The following KCNT2 variants were observed in gnomAD, a reference collection of about 807,000 sequenced individuals.
The protein encoded by KCNT2 is potassium sodium-activated channel subfamily T member 2, also known as potassium channel subfamily T member 2.
KCNT2 carries 67 observed loss-of-function variants against 153.8 expected under a neutral mutation model. That is an observed-to-expected ratio of 0.44 (90% CI 0.36 to 0.53). The LOEUF (loss-of-function observed/expected upper bound fraction) is 0.53, where lower values mean the gene tolerates loss of function less well. KCNT2 is among the 20% of genes least tolerant of loss of function. KCNT2 has a pLI of 0.00. For missense variants in KCNT2, 975 were observed against 1,354.8 expected (o/e 0.72, Z 4.40); for synonymous variants, 500 against 458.8 (o/e 1.09, Z -1.15).
chr1:196,324,185 T>C (rs963919476), intron 19 of KCNT2, among the ~76,000 whole-genome samples: 3 of 151,942 alleles, frequency 2.0e-5, no homozygotes, highest in South Asian at 2.1e-4. Flanking sequence ...TTAATAACAA[T>C]ATAATGTGGA....
At chr1:196,285,432 C>T (rs1659565623) in intron 23 of KCNT2, among the ~76,000 whole-genome samples, 1 of 151,802 alleles carries the variant, frequency 6.6e-6, no homozygotes, top group African/African-American at 2.4e-5. Context: ...CAAAAGAATG[C>T]CTGAAATAAT....
chr1:196,601,075 C>T (rs1181245926), intron 1 of KCNT2, among the ~76,000 whole-genome samples: 2 of 152,216 alleles, frequency 1.3e-5, no homozygotes, highest in African/African-American at 4.8e-5. Context: ...ACTCCAGACC[C>T]ATACTTCCAA....
At chr1:196,321,045 G>A (rs1021518365) in intron 19 of KCNT2, among the ~76,000 whole-genome samples, 2 of 150,008 alleles carry the variant, frequency 1.3e-5, no homozygotes, top group Non-Finnish European at 3.0e-5. Context: ...GGATATTAGT[G>A]GATCACAGCC....
chr1:196,557,663 C>T (rs560671829), intron 1 of KCNT2, among the ~76,000 whole-genome samples: 1 of 151,112 alleles, frequency 6.6e-6, no homozygotes, highest in Non-Finnish European at 1.5e-5. Context: ...ATTTTACTTA[C>T]CACTGAGCAT....
intron 13 of KCNT2, among the ~76,000 whole-genome samples, chr1:196,397,597 T>C (rs1671051668): frequency 6.6e-6 from 1 of 151,496 alleles, no homozygotes; most frequent in South Asian, 2.1e-4. Context: ...CTTTAAATTG[T>C]TTGCTATACA....
At chr1:196,525,949 A>G (rs2148834217) in intron 1 of KCNT2, among the ~76,000 whole-genome samples, 1 of 152,206 alleles carries the variant, frequency 6.6e-6, no homozygotes, top group South Asian at 2.1e-4. Context: ...GTAGTTTAGT[A>G]TTCACTAATG....
At chr1:196,349,514 G>A (rs1306518304) in intron 14 of KCNT2, among the ~76,000 whole-genome samples, 3 of 151,920 alleles carry the variant, frequency 2.0e-5, no homozygotes, top group South Asian at 4.2e-4. Flanking sequence ...AATGTTTTTC[G>A]GGGAGTGAGA....
At chr1:196,300,687 C>T (rs761761816) in intron 22 of KCNT2, among the ~76,000 whole-genome samples, 1 of 152,168 alleles carries the variant, frequency 6.6e-6, no homozygotes, top group African/African-American at 2.4e-5. Flanking sequence ...TACAAATACA[C>T]AGATTCCCTG....
At chr1:196,352,805 C>T (rs1219599332) in intron 14 of KCNT2, among the ~76,000 whole-genome samples, 1 of 151,932 alleles carries the variant, frequency 6.6e-6, no homozygotes, top group Non-Finnish European at 1.5e-5. Flanking sequence ...GTTAGGGTGT[C>T]AATTTTGGAT....
At chr1:196,329,982 T>C (rs906544364) in intron 18 of KCNT2, among the ~76,000 whole-genome samples, 2 of 138,944 alleles carry the variant, frequency 1.4e-5, no homozygotes, top group Non-Finnish European at 3.1e-5. Flanking sequence ...TATATATATA[T>C]ATTTGAATGA....
At chr1:196,461,625 C>T (rs372563602) in intron 8 of KCNT2, among the ~76,000 whole-genome samples, 3 of 151,708 alleles carry the variant, frequency 2.0e-5, no homozygotes, top group East Asian at 3.9e-4. Flanking sequence ...GCATTTAATT[C>T]CCGGATGCTC....
intron 1 of KCNT2, among the ~76,000 whole-genome samples, chr1:196,545,723 AC>A (rs1162224207): frequency 7.6e-5 from 3 of 39,282 alleles, no homozygotes; most frequent in Non-Finnish European, 1.5e-4. Flanking sequence ...CATCCCACCC[AC>A]CCCCCCAGCT....
chr1:196,391,617 T>C (rs945322662), intron 13 of KCNT2, among the ~76,000 whole-genome samples: 1 of 151,312 alleles, frequency 6.6e-6, no homozygotes, highest in Non-Finnish European at 1.5e-5. Flanking sequence ...ATACCTAATA[T>C]CCAGTGTCAA....
chr1:196,529,280 A>G (rs975148474), intron 1 of KCNT2, among the ~76,000 whole-genome samples: 6 of 152,144 alleles, frequency 3.9e-5, no homozygotes, highest in African/African-American at 7.2e-5. Context: ...AAAGTACTCT[A>G]TTTTGGATGA....
chr1:196,366,021 T>A (rs1280193011), intron 14 of KCNT2, among the ~76,000 whole-genome samples: 1 of 152,194 alleles, frequency 6.6e-6, no homozygotes, highest in Non-Finnish European at 1.5e-5. Context: ...TGTATGTTCA[T>A]CAACATTCTT....
At chr1:196,516,981 C>A (rs1458748893) in intron 1 of KCNT2, among the ~76,000 whole-genome samples, 1 of 152,158 alleles carries the variant, frequency 6.6e-6, no homozygotes, top group African/African-American at 2.4e-5. Context: ...CTCCAACCAC[C>A]CCCCAGCTGG....
At chr1:196,333,794 A>G in intron 17 of KCNT2, 53 bp downstream of exon 17, 1 of 1,060,738 alleles carries the variant, frequency 9.4e-7, no homozygotes. Context: ...AAAATACTTA[A>G]GGACATTAGC....
rs112498941 is a variant in KCNT2 at position 196,477,273 on chromosome 1, T to C, written c.384+1906A>G. 6.9e-3 allele frequency among the ~76,000 whole-genome samples: 1,056 copies of C among 152,258 alleles called. 11 individuals carry two copies. Among genetic ancestry groups the C allele is most frequent in the African/African-American group, 0.022 (925 of 41,544 alleles). On this transcript the variant is annotated intron_variant, in intron 5 of 27. Transcript: ENST00000294725. ...AAATAATAGTCTGAAGAATGTTATC[T>C]TCAAAACTCTTGTTTTAAAAAGTGA...
chr1:196,607,180 G>C (rs1665410872), intron 1 of KCNT2, among the ~76,000 whole-genome samples: 1 of 152,128 alleles, frequency 6.6e-6, no homozygotes, highest in South Asian at 2.1e-4. Context: ...TGAATGAGGA[G>C]GGGATTTTGG....
Sources: gnomAD v4.1 joint callset for allele counts (sites outside exome capture counted in the v4.1 genomes callset) on GRCh38, gnomAD v4.1.1 for gene constraint, MANE v1.5 for transcripts, NCBI Gene and HGNC (gene_info 2026-07-23, HGNC 2026-07-21) for gene names.